Variants in CORIN observed in about 807,000 individuals in gnomAD.
CORIN encodes atrial natriuretic peptide-converting enzyme.
In CORIN, 117 loss-of-function variants were observed where a neutral mutation model predicts 125.3. That is an observed-to-expected ratio of 0.93 (90% confidence interval 0.80 to 1.09). The LOEUF is 1.09. Ranked by LOEUF, CORIN falls within the 50% of genes least tolerant of loss-of-function variation. The probability of loss-of-function intolerance (pLI) is 0.00; values close to 1 mark genes in which losing one functional copy is unlikely to be tolerated. For missense variants in CORIN, 1,253 were observed against 1,306.7 expected (o/e 0.96, Z 0.63); for synonymous variants, 450 against 466.4 (o/e 0.96, Z 0.45).
chr4:47,742,715 CAAAACA>C (rs989273257), intron 5 of CORIN, among the ~76,000 whole-genome samples: 6 of 151,746 alleles, frequency 4.0e-5, no homozygotes, highest in Non-Finnish European at 8.8e-5. Flanking sequence ...AATTTAAAAA[CAAAACA>C]AAAACAAAAA....
intron 3 of CORIN, among the ~76,000 whole-genome samples, chr4:47,771,037 AC>A (rs1329843272): frequency 2.0e-5 from 3 of 152,022 alleles, no homozygotes; most frequent in African/African-American, 7.2e-5. Flanking sequence ...AAGTATACTC[AC>A]CCCCCAAAAT....
intron 1 of CORIN, among the ~76,000 whole-genome samples, chr4:47,819,385 G>A (rs1445257026): frequency 6.6e-6 from 1 of 152,148 alleles, no homozygotes; most frequent in Non-Finnish European, 1.5e-5. Context: ...AAAAATTACT[G>A]AACCTACAGA....
intron 19 of CORIN, among the ~76,000 whole-genome samples, chr4:47,622,591 T>C (rs1722366819): frequency 6.6e-6 from 1 of 152,254 alleles, no homozygotes; most frequent in Non-Finnish European, 1.5e-5. Flanking sequence ...TGCATTTCTC[T>C]GATGGCCAGT....
intron 19 of CORIN, among the ~76,000 whole-genome samples, chr4:47,609,480 T>A (rs1270640529): frequency 6.6e-6 from 1 of 152,178 alleles, no homozygotes; most frequent in Non-Finnish European, 1.5e-5. Context: ...CCTCAGGTGA[T>A]CCACCCACTT....
intron 1 of CORIN, among the ~76,000 whole-genome samples, chr4:47,810,539 A>G (rs990346270): frequency 1.3e-5 from 2 of 152,220 alleles, no homozygotes; most frequent in Admixed American, 1.3e-4. Flanking sequence ...GTTGTTTTAT[A>G]TAATGTACAC....
At chr4:47,743,719 T>TA (rs1269540688) in intron 5 of CORIN, among the ~76,000 whole-genome samples, 1 of 152,188 alleles carries the variant, frequency 6.6e-6, no homozygotes, top group Non-Finnish European at 1.5e-5. Context: ...ACCATGTCTC[T>TA]ACTAAAAATA....
In CORIN at chr4:47,782,774, G is replaced by C. The variant is rs1271089177; in HGVS notation, c.409+3951C>G. ...CACGGATGCATTCTGAAAACATCATGCAAAATAAAAGAAGGCAGATACAAA... is the reference window on the plus strand; with the variant it reads ...CACGGATGCATTCTGAAAACATCATCCAAAATAAAAGAAGGCAGATACAAA... On this transcript the variant is annotated intron_variant, in intron 3 of 21. Transcript: ENST00000273857. Among the ~76,000 whole-genome samples, 3 of 152,164 alleles carry C rather than the reference G, an allele frequency of 2.0e-5. No individual in the cohort carries two copies. The East Asian group carries it at 5.8e-4, about 29-fold the overall frequency.
rs184535831 is a variant in CORIN at position 47,722,043 on chromosome 4, A to C, written c.799+22359T>G. ...TTAGCTATTCCGTCTTCACAATTTC[A>C]GCATTTTTCTGAGCTTAGTATTCAT... is the stretch of plus-strand genomic sequence containing the variant. On this transcript the variant is annotated intron_variant, in intron 5 of 21. Coordinates refer to ENST00000273857, the MANE Select transcript of CORIN (RefSeq NM_006587.4). Among the ~76,000 whole-genome samples the C allele has an allele frequency of 2.0e-5, 3 of 152,342 alleles. No homozygotes were observed. In the East Asian group the frequency reaches 5.8e-4, roughly 29 times the overall value.
intron 15 of CORIN, among the ~76,000 whole-genome samples, chr4:47,642,277 T>A (rs527431682): frequency 1.3e-5 from 2 of 152,308 alleles, no homozygotes; most frequent in East Asian, 3.9e-4. Flanking sequence ...TAGACTCTAA[T>A]GAAAGAGACA....
At position 47,806,760 on chromosome 4, in the gene CORIN, G is replaced by A. The variant is rs541429727; in HGVS notation, c.208+143C>T. 1.2e-4 allele frequency: 88 copies of A among 751,730 alleles called. 1 individual carries two copies. The East Asian group carries it at 2.5e-3, about 21-fold the overall frequency. 46.6% of individuals were successfully genotyped at this position (751,730 alleles called of 1,614,324 possible). A position where few individuals can be genotyped will look rare whatever the true frequency, so the allele number is the denominator to read the frequency against. ...TAGAGTGGTTACAGTAGCTGAAACT[G>A]CAGATTTGCATAACGTCATCAAAAG... On this transcript the variant is annotated intron_variant, in intron 2 of 21. Transcript: ENST00000273857.
chr4:47,800,348 G>C, intron 2 of CORIN, among the ~76,000 whole-genome samples: 1 of 152,002 alleles, frequency 6.6e-6, no homozygotes, highest in Non-Finnish European at 1.5e-5. Flanking sequence ...CCTCTCCTCA[G>C]AGGCCTCTAA....
intron 2 of CORIN, among the ~76,000 whole-genome samples, chr4:47,805,828 T>C (rs1731770145): frequency 6.6e-6 from 1 of 152,202 alleles, no homozygotes; most frequent in African/African-American, 2.4e-5. Context: ...TAGGGAGGTT[T>C]GGCAAAACTT....
chr4:47,607,294 G>C (rs1721689696), intron 19 of CORIN, among the ~76,000 whole-genome samples: 1 of 151,988 alleles, frequency 6.6e-6, no homozygotes, highest in South Asian at 2.1e-4. Context: ...TGTAGTCCCA[G>C]CTATTTGGGA....
intron 21 of CORIN, among the ~76,000 whole-genome samples, chr4:47,599,746 A>G (rs575283473): frequency 1.3e-5 from 2 of 152,290 alleles, no homozygotes; most frequent in East Asian, 1.9e-4. Flanking sequence ...CCCCTGAGAC[A>G]GAGGTAGTCC....
At chr4:47,605,558 A>T (rs962242625) in intron 19 of CORIN, among the ~76,000 whole-genome samples, 2 of 152,116 alleles carry the variant, frequency 1.3e-5, no homozygotes, top group African/African-American at 2.4e-5. Context: ...GCATTTCCTT[A>T]TACTCTGGTA....
At position 47,836,170 on chromosome 4, in the gene CORIN, TCTC is replaced by T. The variant is rs374345304; in HGVS notation, c.63+1714_63+1716del. ...GCCCACACGTGAGTCTATGCAGACATCTCCTCTAACCTCGCAAGCCCCAGGAAC... is the reference window on the plus strand; with the variant it reads ...GCCCACACGTGAGTCTATGCAGACATCTCTAACCTCGCAAGCCCCAGGAAC... On this transcript the variant is annotated intron_variant, in intron 1 of 21. Transcript: ENST00000273857. 1.1e-3 allele frequency among the ~76,000 whole-genome samples: 168 copies of T among 152,258 alleles called. 2 individuals are homozygous for T. Among genetic ancestry groups the T allele is most frequent in the African/African-American group, 3.7e-3 (152 of 41,552 alleles).
intron 9 of CORIN, among the ~76,000 whole-genome samples, chr4:47,676,761 A>G (rs1203233866): frequency 6.6e-6 from 1 of 152,220 alleles, no homozygotes; most frequent in Non-Finnish European, 1.5e-5. Flanking sequence ...ATAATCTACA[A>G]AGCCTGCCAT....
intron 5 of CORIN, among the ~76,000 whole-genome samples, chr4:47,718,595 T>G (rs1727207714): frequency 6.6e-6 from 1 of 152,234 alleles, no homozygotes; most frequent in African/African-American, 2.4e-5. Flanking sequence ...TAACGTGAGC[T>G]TTAAACTAGA....
intron 6 of CORIN, among the ~76,000 whole-genome samples, chr4:47,686,191 TA>T (rs1725510220): frequency 6.6e-6 from 1 of 151,600 alleles, no homozygotes; most frequent in Admixed American, 6.6e-5. Flanking sequence ...AAAAACAACT[TA>T]AAGTTTTTAG....
Sources: gnomAD v4.1 joint callset for allele counts (sites outside exome capture counted in the v4.1 genomes callset) on GRCh38, gnomAD v4.1.1 for gene constraint, MANE v1.5 for transcripts, NCBI Gene and HGNC (gene_info 2026-07-23, HGNC 2026-07-21) for gene names.